The following PDCD10 variants were observed in gnomAD, a reference collection of about 807,000 sequenced individuals.
PDCD10 encodes the protein programmed cell death 10.
In PDCD10, 4 loss-of-function variants were observed where a neutral mutation model predicts 29.2. The observed-to-expected ratio is 0.14, with a 90% CI of 0.07 to 0.31. The LOEUF (loss-of-function observed/expected upper bound fraction) is 0.31. Among genes scored for constraint, PDCD10 ranks in the 10% least tolerant of loss-of-function variants. PDCD10 has a pLI of 1.00. For synonymous variants in PDCD10, 70 were observed against 82.2 expected, an observed-to-expected ratio of 0.85 and a Z score of 0.80; for missense variants, 183 against 257.9, an observed-to-expected ratio of 0.71 and a Z score of 1.99.
intron 2 of PDCD10, among the ~76,000 whole-genome samples, chr3:167,732,892 C>A (rs758470607): frequency 2.0e-5 from 3 of 152,206 alleles, no homozygotes; most frequent in Non-Finnish European, 4.4e-5. Context: ...CTTAATCCAG[C>A]ACAAAGTCAG....
intron 4 of PDCD10, among the ~76,000 whole-genome samples, chr3:167,703,240 C>T (rs1721624575): frequency 1.3e-5 from 2 of 151,786 alleles, no homozygotes; most frequent in African/African-American, 4.8e-5. Context: ...ATATGCCATT[C>T]CAAAGCCAAA....
intron 6 of PDCD10, among the ~76,000 whole-genome samples, chr3:167,694,970 C>T (rs560850032): frequency 1.6e-4 from 24 of 152,200 alleles, no homozygotes; most frequent in Admixed American, 2.6e-4. Context: ...AATTATCAGA[C>T]TTTCTAGTTT....
At chr3:167,690,200 CAT>C (rs1720074835) in intron 6 of PDCD10, among the ~76,000 whole-genome samples, 1 of 152,198 alleles carries the variant, frequency 6.6e-6, no homozygotes, top group East Asian at 1.9e-4. Flanking sequence ...CTTTGCGAAA[CAT>C]TACACTGAAA....
chr3:167,702,728 A>AT (rs1421733727), intron 4 of PDCD10, among the ~76,000 whole-genome samples: 2 of 152,208 alleles, frequency 1.3e-5, no homozygotes, highest in Non-Finnish European at 2.9e-5. Context: ...AATATAAAAG[A>AT]TTTTATGACT....
chr3:167,701,180 G>A (rs922724122), intron 4 of PDCD10, among the ~76,000 whole-genome samples: 3 of 152,148 alleles, frequency 2.0e-5, no homozygotes, highest in Admixed American at 2.0e-4. Context: ...TGTTTCTGCG[G>A]TTAGAAAGCA....
intron 3 of PDCD10, among the ~76,000 whole-genome samples, chr3:167,711,734 C>T (rs1252448336): frequency 6.6e-6 from 1 of 151,870 alleles, no homozygotes; most frequent in Admixed American, 6.6e-5. Context: ...ATCAACCCCC[C>T]AAAGGTCAAG....
chr3:167,690,911 G>A (rs1485927982), intron 6 of PDCD10, among the ~76,000 whole-genome samples: 1 of 152,150 alleles, frequency 6.6e-6, no homozygotes, highest in Admixed American at 6.5e-5. Context: ...TCAAATCTAG[G>A]TCTGCTAATA....
chr3:167,724,443 T>A (rs561600251), intron 2 of PDCD10, among the ~76,000 whole-genome samples: 31 of 152,340 alleles, frequency 2.0e-4, no homozygotes, highest in African/African-American at 6.3e-4. Context: ...CAAATGTGCA[T>A]GAACATTCAG....
Position 167,720,220 on chromosome 3 carries a change from A to G in PDCD10, c.-63T>C, listed in dbSNP as rs1051278725. The G allele has an allele frequency of 9.8e-6, 10 of 1,024,558 alleles. No homozygotes were observed. Among genetic ancestry groups the G allele is most frequent in the Non-Finnish European group, 1.2e-5 (8 of 645,684 alleles). The allele number at this position is 1,024,558 out of a possible 1,614,324, so 63.5% of individuals were successfully genotyped here. A position where few individuals can be genotyped will look rare whatever the true frequency, so the allele number is the denominator to read the frequency against. On this transcript the variant is annotated 5_prime_UTR_variant, in exon 3 of 9. Coordinates refer to ENST00000392750, the MANE Select transcript of PDCD10 (RefSeq NM_007217.4). ...TGCAGAGGAATCTTCATTCACTGCAATATTTCTTCTCTTTTTTGGTGATAA... is the reference window on the plus strand; with the variant it reads ...TGCAGAGGAATCTTCATTCACTGCAGTATTTCTTCTCTTTTTTGGTGATAA...
At chr3:167,692,015 C>G (rs1018723079) in intron 6 of PDCD10, among the ~76,000 whole-genome samples, 1 of 152,112 alleles carries the variant, frequency 6.6e-6, no homozygotes, top group Non-Finnish European at 1.5e-5. Flanking sequence ...TTATATAAAC[C>G]TACTTCGATG....
chr3:167,695,757 C>T lies in PDCD10; in HGVS notation c.269-35G>A, dbSNP rs202036232. 13 of 1,604,368 alleles carry T rather than the reference C, an allele frequency of 8.1e-6. No individual in the cohort carries two copies. The Admixed American group carries it at 1.3e-4, about 16-fold the overall frequency. On this transcript the variant is annotated intron_variant, in intron 5 of 8. Transcript: ENST00000392750. ...TAAATACATAATAAAAAACATCCTG[C>T]GACTCTCTGCCAAATTCATCACATC... is the stretch of plus-strand genomic sequence containing the variant.
chr3:167,714,445 C>G (rs879430121), intron 3 of PDCD10, among the ~76,000 whole-genome samples: 2 of 151,886 alleles, frequency 1.3e-5, no homozygotes, highest in Non-Finnish European at 2.9e-5. Flanking sequence ...CTAGCTAGAG[C>G]AAACTATACA....
chr3:167,711,876 C>T (rs968066725), intron 3 of PDCD10, among the ~76,000 whole-genome samples: 6 of 151,994 alleles, frequency 3.9e-5, no homozygotes, highest in Non-Finnish European at 7.4e-5. Flanking sequence ...ATTTAAAATG[C>T]TGAAGGAAGA....
At chr3:167,717,549 A>ACAGT (rs1553765553) in intron 3 of PDCD10, among the ~76,000 whole-genome samples, 1 of 151,640 alleles carries the variant, frequency 6.6e-6, no homozygotes, top group Non-Finnish European at 1.5e-5. Flanking sequence ...TAGGTAAACT[A>ACAGT]TAAACACTAA....
chr3:167,716,996 C>A (rs1428896879), intron 3 of PDCD10, among the ~76,000 whole-genome samples: 1 of 151,934 alleles, frequency 6.6e-6, no homozygotes, highest in African/African-American at 2.4e-5. Flanking sequence ...TATGTGAGAA[C>A]CTGATATGAC....
chr3:167,707,725 C>A (rs1577347779), intron 3 of PDCD10, among the ~76,000 whole-genome samples: 1 of 151,952 alleles, frequency 6.6e-6, no homozygotes, highest in Non-Finnish European at 1.5e-5. Context: ...AGATTAAACA[C>A]AATAAACTTC....
intron 6 of PDCD10, chr3:167,694,620 G>A (rs1054547564): frequency 1.3e-5 from 2 of 152,762 alleles, no homozygotes; most frequent in African/African-American, 4.8e-5. Context: ...CATCAGCTGA[G>A]CTGACCGTCC....
At chr3:167,719,107 G>GA (rs1244074330) in intron 3 of PDCD10, among the ~76,000 whole-genome samples, 6 of 151,872 alleles carry the variant, frequency 4.0e-5, no homozygotes, top group Non-Finnish European at 5.9e-5. Context: ...CAATAATGTG[G>GA]AAAAAAATGG....
chr3:167,704,810 T>G lies in PDCD10; in HGVS notation c.150+32A>C, dbSNP rs767829729. 2.8e-6 allele frequency: 4 copies of G among 1,429,892 alleles called. No individual in the cohort carries two copies. In the South Asian group the frequency reaches 4.6e-5, roughly 16 times the overall value. The allele number at this position is 1,429,892 out of a possible 1,614,324, so 88.6% of individuals were successfully genotyped here. On this transcript the variant is annotated intron_variant, in intron 4 of 8. Transcript: ENST00000392750. ...CTTACATTTACAAAGAACATACACT[T>G]TAATAATCATAGTAAATTATTTGCA...
Sources: gnomAD v4.1 joint callset for allele counts (sites outside exome capture counted in the v4.1 genomes callset) on GRCh38, gnomAD v4.1.1 for gene constraint, MANE v1.5 for transcripts, NCBI Gene and HGNC (gene_info 2026-07-23, HGNC 2026-07-21) for gene names.